The following SMYD1 variants were observed in gnomAD, a reference collection of about 807,000 sequenced individuals.
SMYD1 encodes SET and MYND domain containing 1.
Under a neutral mutation model 54.0 loss-of-function variants are expected in SMYD1, and 49 were observed. The ratio of observed to expected loss-of-function variants is 0.91; its 90% confidence interval spans 0.72 to 1.15. SMYD1 has a LOEUF of 1.15. SMYD1 is among the 50% of genes most tolerant of loss of function. SMYD1 has a pLI of 0.00. For missense variants in SMYD1, 653 were observed against 639.6 expected (o/e 1.02, Z -0.23); for synonymous variants, 269 against 234.2 (o/e 1.15, Z -1.36).
intron 2 of SMYD1, among the ~76,000 whole-genome samples, chr2:88,084,910 C>A (rs1281830150): frequency 6.6e-6 from 1 of 152,114 alleles, no homozygotes; most frequent in Non-Finnish European, 1.5e-5. Flanking sequence ...ACCTCCACAT[C>A]TGGCTAATTT....
rs143789716 is a variant in SMYD1, at chr2:88,076,347, T to A, written c.138-7969T>A. On this transcript the variant is annotated intron_variant, in intron 1 of 9. Coordinates refer to ENST00000419482, the MANE Select transcript of SMYD1 (RefSeq NM_198274.4). Reference sequence around the variant, plus strand: ...CTCCTGCCTCAGCTTCCCGAGTAGCTGGGACTACAGGCGCCCGCCACCACG... The same window carrying A: ...CTCCTGCCTCAGCTTCCCGAGTAGCAGGGACTACAGGCGCCCGCCACCACG... Among the ~76,000 whole-genome samples, 517 of 152,308 alleles carry A rather than the reference T, an allele frequency of 3.4e-3. 2 individuals carry two copies. Among genetic ancestry groups the A allele is most frequent in the African/African-American group, 0.012 (505 of 41,572 alleles).
chr2:88,093,666 G>A (rs1240430453), intron 5 of SMYD1, 111 bp downstream of exon 5: 21 of 1,181,290 alleles, frequency 1.8e-5, no homozygotes, highest in Admixed American at 8.6e-5. Flanking sequence ...TGTCCATAAC[G>A]TCCTTCTGCA....
intron 7 of SMYD1, among the ~76,000 whole-genome samples, chr2:88,105,407 A>G (rs1176830349): frequency 3.3e-5 from 5 of 151,314 alleles, no homozygotes; most frequent in African/African-American, 1.2e-4. Context: ...ACATATCGAT[A>G]TCTTTAGAGA....
chr2:88,067,847 G>A lies in SMYD1; in HGVS notation c.-18G>A. ...CTCAGTGTTAAATAACTGCCGCGCTGGCCTGACAGTCTCTGAGATGACAAT... is the reference window on the plus strand; with the variant it reads ...CTCAGTGTTAAATAACTGCCGCGCTAGCCTGACAGTCTCTGAGATGACAAT... On this transcript the variant is annotated 5_prime_UTR_variant, in exon 1 of 10. Transcript: ENST00000419482. 6.2e-7 allele frequency: 1 copy of A among 1,611,916 alleles called. No homozygotes were observed. The highest frequency in any genetic ancestry group is 8.5e-7 in the Non-Finnish European group (1 of 1,179,262).
At chr2:88,095,487 G>A (rs1674562004) in intron 5 of SMYD1, among the ~76,000 whole-genome samples, 1 of 152,208 alleles carries the variant, frequency 6.6e-6, no homozygotes, top group African/African-American at 2.4e-5. Context: ...GGAAGGGGCT[G>A]CCTTTGACTG....
At chr2:88,090,552 C>T (rs1316189432) in intron 3 of SMYD1, among the ~76,000 whole-genome samples, 4 of 152,106 alleles carry the variant, frequency 2.6e-5, no homozygotes, top group Admixed American at 2.6e-4. Flanking sequence ...ACAAAATAAT[C>T]AAAAGAGATG....
At chr2:88,075,602 A>C (rs1321192862) in intron 1 of SMYD1, among the ~76,000 whole-genome samples, 1 of 145,272 alleles carries the variant, frequency 6.9e-6, no homozygotes, top group Non-Finnish European at 1.5e-5. Flanking sequence ...TCATGGCACA[A>C]TCATGGCTCA....
At chr2:88,106,285 T>A (rs772098732) in intron 7 of SMYD1, 40 bp from the exon 8 acceptor site, 59 of 1,605,870 alleles carry the variant, frequency 3.7e-5, no homozygotes, top group Non-Finnish European at 4.9e-5. Context: ...ACGTGTGCTC[T>A]GGTGCAATGG....
At chr2:88,109,139 A>G (rs1326404186) in intron 9 of SMYD1, among the ~76,000 whole-genome samples, 1 of 152,186 alleles carries the variant, frequency 6.6e-6, no homozygotes, top group Non-Finnish European at 1.5e-5. Context: ...AGGCCCAGGG[A>G]AGGAGGACAA....
chr2:88,090,925 T>C, intron 3 of SMYD1, 87 bp from the exon 4 acceptor site: 1 of 1,468,904 alleles, frequency 6.8e-7, no homozygotes. Flanking sequence ...AGACTGGGTC[T>C]TCTGTTTTTT....
chr2:88,089,429 A>G (rs1474526790), intron 3 of SMYD1, among the ~76,000 whole-genome samples: 1 of 152,176 alleles, frequency 6.6e-6, no homozygotes, highest in Non-Finnish European at 1.5e-5. Flanking sequence ...AATCTTTACA[A>G]CACAAGGTAA....
At chr2:88,101,733 G>A (rs950611712) in intron 6 of SMYD1, among the ~76,000 whole-genome samples, 3 of 152,120 alleles carry the variant, frequency 2.0e-5, no homozygotes, top group East Asian at 3.9e-4. Flanking sequence ...AGCCTCCCTA[G>A]TAGCTAGGAC....
intron 7 of SMYD1, among the ~76,000 whole-genome samples, chr2:88,104,563 G>T (rs1228586072): frequency 6.6e-6 from 1 of 152,194 alleles, no homozygotes; most frequent in Non-Finnish European, 1.5e-5. Flanking sequence ...GCTAGGTGTG[G>T]CTCTGGACAC....
intron 6 of SMYD1, among the ~76,000 whole-genome samples, chr2:88,098,464 C>T (rs1262649425): frequency 6.6e-6 from 1 of 152,122 alleles, no homozygotes; most frequent in African/African-American, 2.4e-5. Context: ...TCTGCTTGAA[C>T]CTACCTGAAT....
rs1426872171 is a variant in SMYD1, at chr2:88,110,586, G to A, written c.*74G>A. 7.0e-7 allele frequency: 1 copy of A among 1,437,298 alleles called. No individual in the cohort carries two copies. Among genetic ancestry groups the A allele is most frequent in the Non-Finnish European group, 9.2e-7 (1 of 1,085,334 alleles). The allele number at this position is 1,437,298 out of a possible 1,614,324, so 89.0% of individuals were successfully genotyped here. On this transcript the variant is annotated 3_prime_UTR_variant, in exon 10 of 10. Transcript: ENST00000419482. ...ACTCTGGAGGTGGTGGGTCTCTCGG[G>A]AGACCCCTAATGAGGAAGTTGAGGT... is the stretch of plus-strand genomic sequence containing the variant.
At chr2:88,106,560 A>G (rs1674875529) in intron 8 of SMYD1, 72 bp downstream of exon 8, 2 of 1,523,454 alleles carry the variant, frequency 1.3e-6, no homozygotes, top group South Asian at 1.2e-5. Flanking sequence ...AATAGATGGC[A>G]CATTTACTGG....
At chr2:88,083,018 C>T (rs1674234123) in intron 1 of SMYD1, 1 of 152,188 alleles carries the variant, frequency 6.6e-6, no homozygotes, top group Non-Finnish European at 1.5e-5. Flanking sequence ...CAAAGGATTT[C>T]TGTGCCTGAA....
chr2:88,107,046 A>G (rs143715422), intron 8 of SMYD1, among the ~76,000 whole-genome samples: 3 of 151,172 alleles, frequency 2.0e-5, no homozygotes, highest in African/African-American at 2.5e-5. Flanking sequence ...TAAAAAATAC[A>G]AAAAATTAGT....
Position 88,111,962 on chromosome 2 carries a change from C to T in SMYD1, c.*1450C>T, listed in dbSNP as rs1330485682. 1.5e-6 allele frequency: 1 copy of T among 674,640 alleles called. No individual in the cohort carries two copies. 41.8% of individuals were successfully genotyped at this position (674,640 alleles called of 1,614,324 possible). On this transcript the variant is annotated 3_prime_UTR_variant, in exon 10 of 10. Transcript: ENST00000419482. ...GTTATCTCTGCCTAAATGTTAGCTTCTCCATCCTCACCACATGATGACCTG... is the reference window on the plus strand; with the variant it reads ...GTTATCTCTGCCTAAATGTTAGCTTTTCCATCCTCACCACATGATGACCTG...
Sources: gnomAD v4.1 joint callset for allele counts (sites outside exome capture counted in the v4.1 genomes callset) on GRCh38, gnomAD v4.1.1 for gene constraint, MANE v1.5 for transcripts, NCBI Gene and HGNC (gene_info 2026-07-23, HGNC 2026-07-21) for gene names.